SOX5: variants seen among roughly 807,000 people sequenced by gnomAD.
SOX5 encodes SRY-box transcription factor 5, also known as transcription factor SOX-5.
In SOX5, 9 loss-of-function variants were observed where a neutral mutation model predicts 92.0. The ratio of observed to expected loss-of-function variants is 0.10; its 90% CI spans 0.06 to 0.17. The LOEUF is 0.17. Among genes scored for constraint, SOX5 ranks in the 10% least tolerant of loss-of-function variants. The probability of loss-of-function intolerance (pLI) is 1.00; values close to 1 mark genes in which losing one functional copy is unlikely to be tolerated. For missense variants in SOX5, 642 were observed against 944.5 expected, an observed-to-expected ratio of 0.68 and a Z score of 4.20; for synonymous variants, 344 against 336.3, an observed-to-expected ratio of 1.02 and a Z score of -0.25.
chr12:23,617,998 C>T (rs1433758619), intron 8 of SOX5, among the ~76,000 whole-genome samples: 1 of 152,012 alleles, frequency 6.6e-6, no homozygotes, highest in Non-Finnish European at 1.5e-5. Context: ...ATGACCTATT[C>T]GATTGACCCT....
intron 1 of SOX5, among the ~76,000 whole-genome samples, chr12:23,936,205 T>C (rs983602595): frequency 6.6e-6 from 1 of 150,984 alleles, no homozygotes; most frequent in African/African-American, 2.4e-5. Flanking sequence ...TTTAAGAAAC[T>C]GTGTGTAGTA....
chr12:23,905,239 T>C (rs1339666526), intron 1 of SOX5, among the ~76,000 whole-genome samples: 1 of 152,184 alleles, frequency 6.6e-6, no homozygotes, highest in African/African-American at 2.4e-5. Flanking sequence ...AGACAAACAT[T>C]TAAAAACAGT....
chr12:23,645,548 G>A (rs949181767), intron 7 of SOX5, among the ~76,000 whole-genome samples: 1 of 152,100 alleles, frequency 6.6e-6, no homozygotes, highest in African/African-American at 2.4e-5. Flanking sequence ...TCCTAAATTT[G>A]TTTAACTCCT....
chr12:23,745,631 A>T (rs2093956332), intron 4 of SOX5, among the ~76,000 whole-genome samples: 1 of 152,148 alleles, frequency 6.6e-6, no homozygotes, highest in South Asian at 2.1e-4. Context: ...TGCCATCCTT[A>T]ACAAGTGCCT....
intron 4 of SOX5, among the ~76,000 whole-genome samples, chr12:24,038,129 T>C (rs746887462): frequency 6.6e-6 from 1 of 152,154 alleles, no homozygotes; most frequent in Non-Finnish European, 1.5e-5. Context: ...AGCAAAATCC[T>C]ACCAAAATTA....
At chr12:24,039,340 A>G in intron 4 of SOX5, among the ~76,000 whole-genome samples, 1 of 152,200 alleles carries the variant, frequency 6.6e-6, no homozygotes, top group East Asian at 1.9e-4. Flanking sequence ...CAAAACAAAC[A>G]GTGTTTAAAA....
intron 6 of SOX5, among the ~76,000 whole-genome samples, chr12:23,679,880 G>A (rs767402587): frequency 6.6e-6 from 1 of 152,002 alleles, no homozygotes; most frequent in Non-Finnish European, 1.5e-5. Context: ...AGATATCAAG[G>A]TAGTGGATAA....
chr12:23,591,099 A>G (rs2137122474), intron 9 of SOX5, among the ~76,000 whole-genome samples: 1 of 152,042 alleles, frequency 6.6e-6, no homozygotes, highest in East Asian at 1.9e-4. Context: ...TATGTGCTCA[A>G]TTCTAAAAAA....
intron 4 of SOX5, among the ~76,000 whole-genome samples, chr12:24,198,173 GTATGCAGGGAACACAGACC>G (rs1957183321): frequency 1.3e-5 from 2 of 151,268 alleles, no homozygotes; most frequent in East Asian, 3.9e-4. Flanking sequence ...AATGCATGTG[GTATGCAGGGAACACAGACC>G]TATTACCACA....
intron 3 of SOX5, among the ~76,000 whole-genome samples, chr12:24,214,063 T>C (rs1958960668): frequency 6.6e-6 from 1 of 152,008 alleles, no homozygotes; most frequent in Non-Finnish European, 1.5e-5. Flanking sequence ...AGAATAAAAC[T>C]TATGGAATAC....
intron 1 of SOX5, among the ~76,000 whole-genome samples, chr12:23,900,963 C>T (rs1022784050): frequency 6.6e-6 from 1 of 152,016 alleles, no homozygotes; most frequent in African/African-American, 2.4e-5. Context: ...TGTCTCAAAA[C>T]AAACAAACAA....
chr12:24,403,597 G>A (rs1384373482), intron 1 of SOX5, among the ~76,000 whole-genome samples: 1 of 152,084 alleles, frequency 6.6e-6, no homozygotes, highest in East Asian at 1.9e-4. Flanking sequence ...ATTTCTTTGA[G>A]CCTGACTCTA....
intron 2 of SOX5, among the ~76,000 whole-genome samples, chr12:23,863,303 GA>G (rs1237871106): frequency 6.6e-6 from 1 of 151,934 alleles, no homozygotes; most frequent in Non-Finnish European, 1.5e-5. Context: ...ATATATTCTG[GA>G]AAAAAATTAC....
At chr12:23,675,129 G>A (rs1177887945) in intron 6 of SOX5, among the ~76,000 whole-genome samples, 3 of 152,140 alleles carry the variant, frequency 2.0e-5, no homozygotes, top group Non-Finnish European at 2.9e-5. Flanking sequence ...TTACTTCAAA[G>A]TCTCTTGAAA....
At chr12:24,183,762 C>A (rs547903690) in intron 4 of SOX5, among the ~76,000 whole-genome samples, 1 of 152,260 alleles carries the variant, frequency 6.6e-6, no homozygotes, top group African/African-American at 2.4e-5. Context: ...GGTTTGAGCA[C>A]CAAAGTTGGA....
intron 7 of SOX5, among the ~76,000 whole-genome samples, chr12:23,652,582 A>G (rs953360219): frequency 3.3e-5 from 5 of 149,556 alleles, no homozygotes; most frequent in African/African-American, 5.0e-5. Context: ...TCACATGTAC[A>G]AAATGTAATT....
intron 4 of SOX5, among the ~76,000 whole-genome samples, chr12:24,021,069 T>A (rs1954229022): frequency 6.6e-6 from 1 of 152,094 alleles, no homozygotes; most frequent in South Asian, 2.1e-4. Context: ...CAGGAGCGAG[T>A]GACATCATTG....
intron 4 of SOX5, among the ~76,000 whole-genome samples, chr12:23,997,639 C>T (rs923395401): frequency 3.3e-5 from 5 of 152,136 alleles, no homozygotes; most frequent in Admixed American, 6.5e-5. Flanking sequence ...AAAGATGGGG[C>T]GGATTCATAA....
chr12:23,951,126 G>T (rs904580512), upstream of SOX5: 22 of 469,870 alleles, frequency 4.7e-5, no homozygotes, highest in Non-Finnish European at 7.3e-5. Context: ...TGAGAGGGCA[G>T]GTCAGTTGAT....
Sources: allele counts gnomAD v4.1 joint callset (sites outside exome capture counted in the v4.1 genomes callset), GRCh38; gene constraint gnomAD v4.1.1; transcripts MANE v1.5; gene names NCBI Gene and HGNC (gene_info 2026-07-23, HGNC 2026-07-21).